NOVA1: variants seen among roughly 807,000 people sequenced by gnomAD.
NOVA1 encodes RNA-binding protein Nova-1.
In NOVA1, 7 loss-of-function variants were observed where a neutral mutation model predicts 38.0. That is an observed-to-expected ratio of 0.18 (90% CI 0.10 to 0.35). The LOEUF (loss-of-function observed/expected upper bound fraction) is 0.35. Among genes scored for constraint, NOVA1 ranks in the 10% least tolerant of loss-of-function variants. The probability of loss-of-function intolerance (pLI) is 1.00; values close to 1 mark genes in which losing one functional copy is unlikely to be tolerated. For missense variants in NOVA1, 460 were observed against 616.0 expected (o/e 0.75, Z 2.68); for synonymous variants, 270 against 232.5 (o/e 1.16, Z -1.47).
intron 2 of NOVA1, among the ~76,000 whole-genome samples, chr14:26,591,161 A>C (rs1893820716): frequency 1.3e-5 from 2 of 151,756 alleles, no homozygotes; most frequent in African/African-American, 4.8e-5. Flanking sequence ...AGTATTAAAA[A>C]AAATTAAACC....
chr14:26,523,230 T>G (rs1290294040), intron 2 of NOVA1, among the ~76,000 whole-genome samples: 1 of 152,230 alleles, frequency 6.6e-6, no homozygotes, highest in African/African-American at 2.4e-5. Flanking sequence ...ATAAGATGTT[T>G]TATTTAAAAT....
At chr14:26,587,414 A>G (rs1893592114) in intron 2 of NOVA1, among the ~76,000 whole-genome samples, 1 of 151,052 alleles carries the variant, frequency 6.6e-6, no homozygotes, top group South Asian at 2.1e-4. Flanking sequence ...GATACATTGT[A>G]ATAATTCTAA....
chr14:26,537,001 A>C (rs1890146128), intron 2 of NOVA1, among the ~76,000 whole-genome samples: 1 of 152,138 alleles, frequency 6.6e-6, no homozygotes, highest in South Asian at 2.1e-4. Flanking sequence ...TGTGTATACT[A>C]TACTCCTAAT....
Position 26,444,848 on chromosome 14 carries a change from C to A in NOVA1, c.*3111G>T, listed in dbSNP as rs961889001. The A allele has an allele frequency of 1.4e-5, 2 of 142,920 alleles. No homozygotes were observed. Among genetic ancestry groups the A allele is most frequent in the African/African-American group, 2.8e-5 (1 of 35,358 alleles). 8.9% of individuals were successfully genotyped at this position (142,920 alleles called of 1,614,324 possible). ...ATAAAGAAAAAAACAAAAAAACAAACAAACAAACAAACAAAAAAAAAACAA... is the reference window on the plus strand; with the variant it reads ...ATAAAGAAAAAAACAAAAAAACAAAAAAACAAACAAACAAAAAAAAAACAA... On this transcript the variant is annotated 3_prime_UTR_variant, in exon 5 of 5. Coordinates refer to ENST00000539517, the MANE Select transcript of NOVA1 (RefSeq NM_002515.3).
At chr14:26,478,497 C>T (rs1885172525) in intron 3 of NOVA1, among the ~76,000 whole-genome samples, 1 of 152,056 alleles carries the variant, frequency 6.6e-6, no homozygotes, top group South Asian at 2.1e-4. Context: ...AGACCTTATA[C>T]TTCAGTGCTT....
chr14:26,491,677 G>A (rs935294779), intron 2 of NOVA1, among the ~76,000 whole-genome samples: 4 of 152,142 alleles, frequency 2.6e-5, no homozygotes, highest in Non-Finnish European at 4.4e-5. Flanking sequence ...AAATCCAGGT[G>A]TCCCAACAAC....
At chr14:26,500,359 C>T (rs1253783098) in intron 2 of NOVA1, among the ~76,000 whole-genome samples, 3 of 152,042 alleles carry the variant, frequency 2.0e-5, no homozygotes, top group Non-Finnish European at 4.4e-5. Context: ...AAGCTTACTG[C>T]TCGGCTTACT....
intron 2 of NOVA1, among the ~76,000 whole-genome samples, chr14:26,525,677 G>A (rs940453390): frequency 4.6e-5 from 7 of 152,106 alleles, no homozygotes; most frequent in Middle Eastern, 3.4e-3. Flanking sequence ...GAATAGCCAC[G>A]TGGCAACCTC....
chr14:26,472,495 T>C, intron 3 of NOVA1, 104 bp from the exon 4 acceptor site: 1 of 486,736 alleles, frequency 2.1e-6, no homozygotes, highest in Non-Finnish European at 3.4e-6. Context: ...GAGAACAAAA[T>C]CCTATGAACA....
chr14:26,594,694 C>G (rs993142110), intron 2 of NOVA1, among the ~76,000 whole-genome samples: 1 of 151,928 alleles, frequency 6.6e-6, no homozygotes, highest in East Asian at 1.9e-4. Flanking sequence ...CTATTTAACA[C>G]TTAAAAAGGC....
At chr14:26,491,423 C>T (rs564751609) in intron 2 of NOVA1, among the ~76,000 whole-genome samples, 5 of 152,050 alleles carry the variant, frequency 3.3e-5, no homozygotes, top group African/African-American at 4.8e-5. Flanking sequence ...TGGTAATGGA[C>T]GTTAATAATG....
intron 2 of NOVA1, among the ~76,000 whole-genome samples, chr14:26,549,988 T>C (rs1250232732): frequency 6.6e-6 from 1 of 152,204 alleles, no homozygotes; most frequent in African/African-American, 2.4e-5. Context: ...CCTACACAGA[T>C]GGGCTGTCAT....
intron 2 of NOVA1, among the ~76,000 whole-genome samples, chr14:26,505,985 T>G (rs1018298839): frequency 3.9e-5 from 6 of 152,148 alleles, no homozygotes; most frequent in Non-Finnish European, 7.4e-5. Flanking sequence ...ATGATACATT[T>G]AGTGAAATTT....
chr14:26,454,684 T>C (rs910915879), intron 4 of NOVA1, among the ~76,000 whole-genome samples: 1 of 152,216 alleles, frequency 6.6e-6, no homozygotes, highest in Non-Finnish European at 1.5e-5. Flanking sequence ...ATTTTTACAT[T>C]CTTTTTATAT....
At chr14:26,571,717 G>A (rs1269829725) in intron 2 of NOVA1, among the ~76,000 whole-genome samples, 3 of 152,174 alleles carry the variant, frequency 2.0e-5, no homozygotes, top group Non-Finnish European at 4.4e-5. Flanking sequence ...CAACCTATGA[G>A]AGAGCTACCA....
chr14:26,575,687 C>G (rs563753762), intron 2 of NOVA1, among the ~76,000 whole-genome samples: 1 of 151,776 alleles, frequency 6.6e-6, no homozygotes, highest in Non-Finnish European at 1.5e-5. Context: ...CTTATTCTGG[C>G]AGAACATTTA....
chr14:26,577,861 GAGTTC>G (rs1892960856), intron 2 of NOVA1, among the ~76,000 whole-genome samples: 1 of 152,078 alleles, frequency 6.6e-6, no homozygotes, highest in Admixed American at 6.5e-5. Flanking sequence ...CATCAGTGTA[GAGTTC>G]AGATGAAAGG....
At chr14:26,541,768 G>C (rs1405104552) in intron 2 of NOVA1, among the ~76,000 whole-genome samples, 1 of 151,602 alleles carries the variant, frequency 6.6e-6, no homozygotes, top group Non-Finnish European at 1.5e-5. Context: ...TGAGGAGCAG[G>C]GAAAATCACA....
chr14:26,578,917 T>C (rs1399214252), intron 2 of NOVA1, among the ~76,000 whole-genome samples: 2 of 152,040 alleles, frequency 1.3e-5, no homozygotes, highest in Non-Finnish European at 2.9e-5. Context: ...ACTGTCATCA[T>C]CTCTACAGAT....
Sources: gnomAD v4.1 joint callset for allele counts (sites outside exome capture counted in the v4.1 genomes callset) on GRCh38, gnomAD v4.1.1 for gene constraint, MANE v1.5 for transcripts, NCBI Gene and HGNC (gene_info 2026-07-23, HGNC 2026-07-21) for gene names.